CMPK2: variants seen among roughly 807,000 people sequenced by gnomAD.
CMPK2 encodes the protein cytidine/uridine monophosphate kinase 2, also known as UMP-CMP kinase 2, mitochondrial.
In CMPK2, 32 loss-of-function variants were observed where a neutral mutation model predicts 33.4. That is an observed-to-expected ratio of 0.96 (90% CI 0.72 to 1.29). The LOEUF (loss-of-function observed/expected upper bound fraction) is 1.29. CMPK2 is among the 50% of genes most tolerant of loss of function. The pLI is 0.00. For synonymous variants in CMPK2, 299 were observed against 275.3 expected, an observed-to-expected ratio of 1.09 and a Z score of -0.85; for missense variants, 672 against 616.0, an observed-to-expected ratio of 1.09 and a Z score of -0.96.
chr2:6,848,041 A>C (rs1362846762), downstream of CMPK2, among the ~76,000 whole-genome samples: 1 of 152,246 alleles, frequency 6.6e-6, no homozygotes, highest in African/African-American at 2.4e-5. Context: ...AATACTCGTA[A>C]GTCATATATA....
chr2:6,860,960 T>C (rs1004242271), intron 3 of CMPK2, among the ~76,000 whole-genome samples: 47 of 152,192 alleles, frequency 3.1e-4, no homozygotes, highest in African/African-American at 1.1e-3. Context: ...GATACTAGTA[T>C]TATATATGTA....
chr2:6,848,716 G>A lies in CMPK2; in HGVS notation c.*1134C>T, dbSNP rs559754443. The A allele has an allele frequency of 1.0e-6, 1 of 985,740 alleles. No homozygotes were observed. The highest frequency in any genetic ancestry group is 1.7e-5 in the African/African-American group (1 of 57,352). The allele number at this position is 985,740 out of a possible 1,614,324, so 61.1% of individuals were successfully genotyped here. On this transcript the variant is annotated 3_prime_UTR_variant, in exon 5 of 5. Transcript: ENST00000256722. ...TACAGATTTATCTGCCTTTGAACTG[G>A]AAGGAATTTTAGGTAATCACCTGGT... is the stretch of plus-strand genomic sequence containing the variant.
intron 3 of CMPK2, among the ~76,000 whole-genome samples, chr2:6,858,801 A>G (rs1473697856): frequency 1.3e-5 from 2 of 152,230 alleles, no homozygotes; most frequent in African/African-American, 4.8e-5. Flanking sequence ...GAACCAGTAC[A>G]GTAAATTGGT....
downstream of CMPK2, among the ~76,000 whole-genome samples, chr2:6,845,014 A>T (rs73914413): frequency 0.012 from 1,887 of 152,260 alleles, 36 homozygotes; most frequent in African/African-American, 0.044. Context: ...TGACTCTCTG[A>T]TTTTGGGGAA....
chr2:6,841,777 A>T (rs1398733528), intron 3 of CMPK2, among the ~76,000 whole-genome samples: 1 of 152,076 alleles, frequency 6.6e-6, no homozygotes, highest in Non-Finnish European at 1.5e-5. Context: ...CAGCTATTTC[A>T]TCCATCCCCT....
intron 3 of CMPK2, among the ~76,000 whole-genome samples, chr2:6,858,211 C>CT (rs879922528): frequency 0.021 from 3,037 of 144,894 alleles, 92 homozygotes; most frequent in African/African-American, 0.067. Flanking sequence ...TCACATTTGC[C>CT]TTTTTTTTTT....
chr2:6,847,026 C>T (rs143326705), downstream of CMPK2, among the ~76,000 whole-genome samples: 152 of 152,092 alleles, frequency 1.0e-3, 1 homozygote, highest in Middle Eastern at 3.4e-3. Flanking sequence ...CTTTAATAAG[C>T]GAAAAAAGAA....
chr2:6,851,375 C>A, intron 4 of CMPK2, 75 bp downstream of exon 4: 1 of 1,598,442 alleles, frequency 6.3e-7, no homozygotes, highest in Non-Finnish European at 8.5e-7. Context: ...CCTCACAATC[C>A]TAAAGCCAGT....
At chr2:6,842,274 G>C (rs1476444239) in intron 3 of CMPK2, among the ~76,000 whole-genome samples, 1 of 152,188 alleles carries the variant, frequency 6.6e-6, no homozygotes, top group African/African-American at 2.4e-5. Context: ...TTCAGGAAAG[G>C]ACAGGCCTTT....
intron 3 of CMPK2, among the ~76,000 whole-genome samples, chr2:6,853,220 A>G (rs893994181): frequency 1.3e-5 from 2 of 152,162 alleles, no homozygotes; most frequent in Non-Finnish European, 2.9e-5. Context: ...AAAGTGCTGG[A>G]ATTACAGGCG....
intron 4 of CMPK2, 94 bp downstream of exon 4, chr2:6,851,356 A>G (rs1662515491): frequency 1.9e-6 from 3 of 1,562,710 alleles, no homozygotes; most frequent in Non-Finnish European, 2.6e-6. Flanking sequence ...ACTGGAAACA[A>G]TATCACTTCC....
At chr2:6,843,866 C>A (rs1395326163), downstream of CMPK2, among the ~76,000 whole-genome samples, 11 of 152,140 alleles carry the variant, frequency 7.2e-5, no homozygotes, top group Non-Finnish European at 1.5e-4. Context: ...GCTCTGGTGT[C>A]CAGAAGGAAG....
chr2:6,860,652 T>C (rs556444019), intron 3 of CMPK2, among the ~76,000 whole-genome samples: 31 of 152,332 alleles, frequency 2.0e-4, no homozygotes, highest in African/African-American at 7.5e-4. Flanking sequence ...TGCTCTCTTT[T>C]GTAAATTGCC....
intron 3 of CMPK2, among the ~76,000 whole-genome samples, chr2:6,853,691 A>G (rs1366334632): frequency 6.6e-6 from 1 of 152,180 alleles, no homozygotes; most frequent in Admixed American, 6.5e-5. Flanking sequence ...TCACGAGGTC[A>G]GGAGATCGAG....
downstream of CMPK2, among the ~76,000 whole-genome samples, chr2:6,844,241 G>T (rs1056233229): frequency 2.0e-5 from 3 of 152,056 alleles, no homozygotes; most frequent in South Asian, 6.2e-4. Flanking sequence ...CTTCTCCTGG[G>T]CTTCCTCCTG....
Position 6,853,699 on chromosome 2 carries a change from G to T in CMPK2, c.993-2016C>A, listed in dbSNP as rs577837258. ...GGGTGGATCACGAGGTCAGGAGATC[G>T]AGACCATCCTGGCTAACATGGTGAA... is the stretch of plus-strand genomic sequence containing the variant. On this transcript the variant is annotated intron_variant, in intron 3 of 4. Coordinates refer to ENST00000256722, the MANE Select transcript of CMPK2 (RefSeq NM_207315.4). Among the ~76,000 whole-genome samples, 3 of 152,192 alleles carry T rather than the reference G, an allele frequency of 2.0e-5. No individual in the cohort carries two copies. The South Asian group carries it at 6.2e-4, about 32-fold the overall frequency.
At chr2:6,864,577 T>C (rs1054993368) in intron 1 of CMPK2, 3 of 155,442 alleles carry the variant, frequency 1.9e-5, no homozygotes, top group Admixed American at 6.5e-5. Flanking sequence ...TTGAGTAACC[T>C]GCACAAGGTT....
rs1409554277 is a variant in CMPK2 at position 6,848,963 on chromosome 2, T to C, written c.*887A>G. The C allele has an allele frequency of 1.0e-6, 1 of 985,726 alleles. No individual in the cohort carries two copies. The highest frequency in any genetic ancestry group is 1.2e-6 in the Non-Finnish European group (1 of 829,906). 61.1% of individuals were successfully genotyped at this position (985,726 alleles called of 1,614,324 possible). The stretch of plus-strand genomic sequence containing the variant: ...CACAACAAACATTGCATTTAGCGTT[T>C]TGACTCCACTTTTAATTAATGAATC... On this transcript the variant is annotated 3_prime_UTR_variant, in exon 5 of 5. Coordinates refer to ENST00000256722, the MANE Select transcript of CMPK2 (RefSeq NM_207315.4).
At position 6,865,171 on chromosome 2, in the gene CMPK2, G is replaced by C; in HGVS notation, c.526C>G (p.Leu176Val). Reference sequence around the variant, plus strand: ...CGCCTGCCGTCTTGCACCTCCCAGAGGCGCTGCCACAGCTGGCCGCGCGGG... The same window carrying C: ...CGCCTGCCGTCTTGCACCTCCCAGACGCGCTGCCACAGCTGGCCGCGCGGG... ...ADPRGQLWQRLWEVQDGRRLQ... is the reference protein window; with the variant it reads ...ADPRGQLWQRVWEVQDGRRLQ... The change falls in exon 1 of 5, where the codon CTC becomes GTC. Residue 176 changes from leucine (L) to valine (V), a missense_variant. By Grantham distance (32) the Leu-to-Val change is conservative. Coordinates refer to ENST00000256722, the MANE Select transcript of CMPK2 (RefSeq NM_207315.4). 1 of 1,535,930 alleles carries C rather than the reference G, an allele frequency of 6.5e-7. No individual in the cohort carries two copies. Among genetic ancestry groups the C allele is most frequent in the Non-Finnish European group, 8.7e-7 (1 of 1,143,524 alleles).
Sources: allele counts gnomAD v4.1 joint callset (sites outside exome capture counted in the v4.1 genomes callset), GRCh38; gene constraint gnomAD v4.1.1; transcripts MANE v1.5; gene names NCBI Gene and HGNC (gene_info 2026-07-23, HGNC 2026-07-21).